GRIN2A: variants seen among roughly 807,000 people sequenced by gnomAD.
GRIN2A encodes glutamate receptor ionotropic, NMDA 2A.
A neutral mutation model predicts 113.4 loss-of-function variants in GRIN2A; 22 were observed. That is an observed-to-expected ratio of 0.19 (90% confidence interval 0.14 to 0.28). The LOEUF is 0.28. GRIN2A is among the 10% of genes least tolerant of loss of function. The pLI is 1.00. For synonymous variants in GRIN2A, 827 were observed against 738.4 expected (o/e 1.12, Z -1.94); for missense variants, 1,502 against 1,887.0 (o/e 0.80, Z 3.78).
chr16:9,862,887 T>A (rs1281717456), intron 4 of GRIN2A, among the ~76,000 whole-genome samples: 1 of 152,194 alleles, frequency 6.6e-6, no homozygotes, highest in African/African-American at 2.4e-5. Flanking sequence ...CCGTCTTCCA[T>A]GGGCTGCAAT....
Position 10,132,681 on chromosome 16 carries a change from C to T in GRIN2A, c.414+47317G>A, listed in dbSNP as rs147401952. 3.9e-3 allele frequency among the ~76,000 whole-genome samples: 592 copies of T among 152,294 alleles called. 2 individuals carry two copies. Among genetic ancestry groups the T allele is most frequent in the Non-Finnish European group, 6.8e-3 (462 of 68,024 alleles). The stretch of plus-strand genomic sequence containing the variant: ...ATCTGAACTTTCATTGCCTCGGTTT[C>T]CACAACCACAAAATGGGAATTTAGT... On this transcript the variant is annotated intron_variant, in intron 2 of 12. Coordinates refer to ENST00000330684, the MANE Select transcript of GRIN2A (RefSeq NM_001134407.3).
chr16:9,897,949 A>G (rs747888013), intron 3 of GRIN2A, among the ~76,000 whole-genome samples: 2 of 150,592 alleles, frequency 1.3e-5, no homozygotes, highest in Admixed American at 6.6e-5. Context: ...TGCTGCTTCT[A>G]TGTTGTTGAG....
In GRIN2A at chr16:9,755,024, T is replaced by C. The variant is rs964000248; in HGVS notation, c.*8125A>G. 3 of 200,316 alleles carry C rather than the reference T, an allele frequency of 1.5e-5. No homozygotes were observed. The highest frequency in any genetic ancestry group is 6.9e-5 in the African/African-American group (3 of 43,478). 12.4% of individuals were successfully genotyped at this position (200,316 alleles called of 1,614,324 possible). On this transcript the variant is annotated 3_prime_UTR_variant, in exon 13 of 13. Transcript: ENST00000330684. ...TATCCTATTGAAGGTTCATCTTAAA[T>C]CTTTCCTAAAGGTGTGAAAGAGAAT...
chr16:9,846,635 G>C, intron 5 of GRIN2A, among the ~76,000 whole-genome samples: 1 of 152,140 alleles, frequency 6.6e-6, no homozygotes, highest in Non-Finnish European at 1.5e-5. Flanking sequence ...CCTATATGTA[G>C]GTGGCTCAGA....
At chr16:10,105,968 G>GTA (rs113378205) in intron 2 of GRIN2A, among the ~76,000 whole-genome samples, 53,843 of 151,616 alleles carry the variant, frequency 0.36, 9,708 homozygotes, top group East Asian at 0.45. Context: ...ATATGCAAAG[G>GTA]TATATGTATA....
chr16:9,777,158 G>A (rs1010606802), intron 11 of GRIN2A, among the ~76,000 whole-genome samples: 4 of 152,120 alleles, frequency 2.6e-5, no homozygotes, highest in Non-Finnish European at 5.9e-5. Context: ...GCAGCAGTGA[G>A]AAACTCATTC....
chr16:10,112,397 T>C, intron 2 of GRIN2A: 1 of 696,832 alleles, frequency 1.4e-6, no homozygotes. Flanking sequence ...TGGCCTGCGG[T>C]CAGCCCCAGG....
intron 10 of GRIN2A, among the ~76,000 whole-genome samples, chr16:9,809,955 C>T (rs1212508590): frequency 2.0e-5 from 3 of 152,164 alleles, no homozygotes; most frequent in Non-Finnish European, 4.4e-5. Flanking sequence ...GTAATCCCAG[C>T]TACTCTGGAG....
At chr16:9,947,017 C>G (rs2045035804) in intron 2 of GRIN2A, among the ~76,000 whole-genome samples, 1 of 152,306 alleles carries the variant, frequency 6.6e-6, no homozygotes, top group African/African-American at 2.4e-5. Context: ...TCAAAGATTA[C>G]TGATGCCACT....
At position 9,824,798 on chromosome 16, in the gene GRIN2A, A is replaced by T. The variant is rs189230208; in HGVS notation, c.2008-2374T>A. Among the ~76,000 whole-genome samples the T allele has an allele frequency of 5.7e-4, 87 of 152,144 alleles. 1 individual carries two copies. The highest frequency in any genetic ancestry group is 3.4e-3 in the Middle Eastern group (1 of 292). ...GTTATCCATTATGTTCTATTTTTTT[A>T]AAAAAATGTCTGCAATCCTTAGATT... On this transcript the variant is annotated intron_variant, in intron 9 of 12. Coordinates refer to ENST00000330684, the MANE Select transcript of GRIN2A (RefSeq NM_001134407.3).
chr16:9,790,031 TAAAC>T (rs1189237235), intron 11 of GRIN2A, among the ~76,000 whole-genome samples: 1 of 152,210 alleles, frequency 6.6e-6, no homozygotes, highest in Non-Finnish European at 1.5e-5. Flanking sequence ...TTGCCTGAAA[TAAAC>T]AAAGCACATG....
intron 2 of GRIN2A, among the ~76,000 whole-genome samples, chr16:10,045,981 C>G (rs1290149344): frequency 6.6e-6 from 1 of 152,194 alleles, no homozygotes; most frequent in Non-Finnish European, 1.5e-5. Context: ...ATATTAGTAG[C>G]ATCTCCCGAC....
intron 2 of GRIN2A, among the ~76,000 whole-genome samples, chr16:9,957,756 G>T (rs559144926): frequency 1.3e-5 from 2 of 152,090 alleles, no homozygotes; most frequent in East Asian, 3.9e-4. Flanking sequence ...GATGCCCCTC[G>T]ATGACTCTGA....
chr16:9,965,475 G>A (rs970557833), intron 2 of GRIN2A, among the ~76,000 whole-genome samples: 1 of 152,182 alleles, frequency 6.6e-6, no homozygotes, highest in Admixed American at 6.5e-5. Context: ...TATAGAATAA[G>A]AGACTTTTGG....
rs77826932 is a variant in GRIN2A at position 10,037,905 on chromosome 16, C to T, written c.415-99354G>A. Among the ~76,000 whole-genome samples the T allele has an allele frequency of 7.4e-3, 1,127 of 152,244 alleles. 7 individuals carry two copies. The highest frequency in any genetic ancestry group is 0.013 in the Non-Finnish European group (917 of 68,022). ...AATTGTTGAGATTACAGGCATGAAT[C>T]ATTGTGCCTGGCTCTACTCCCATTT... On this transcript the variant is annotated intron_variant, in intron 2 of 12. Coordinates refer to ENST00000330684, the MANE Select transcript of GRIN2A (RefSeq NM_001134407.3).
At chr16:9,788,836 G>T (rs1902413089) in intron 11 of GRIN2A, among the ~76,000 whole-genome samples, 1 of 150,202 alleles carries the variant, frequency 6.7e-6, no homozygotes, top group Non-Finnish European at 1.5e-5. Context: ...TCCGCCTCCT[G>T]GGTTCAAGTA....
At chr16:9,935,709 T>A (rs893467486) in intron 3 of GRIN2A, among the ~76,000 whole-genome samples, 1 of 152,050 alleles carries the variant, frequency 6.6e-6, no homozygotes, top group Non-Finnish European at 1.5e-5. Context: ...TATTATTATT[T>A]TTTTGAGATG....
intron 3 of GRIN2A, among the ~76,000 whole-genome samples, chr16:9,921,570 T>C (rs994422871): frequency 2.0e-5 from 3 of 152,242 alleles, no homozygotes; most frequent in African/African-American, 7.2e-5. Flanking sequence ...GTGACAATAA[T>C]ATAAGATGGT....
At chr16:9,885,497 C>T (rs942282759) in intron 4 of GRIN2A, among the ~76,000 whole-genome samples, 5 of 152,152 alleles carry the variant, frequency 3.3e-5, no homozygotes, top group Admixed American at 2.6e-4. Flanking sequence ...TGGTGTTTGG[C>T]GTCTGTATAA....
Sources: gnomAD v4.1 joint callset for allele counts (sites outside exome capture counted in the v4.1 genomes callset) on GRCh38, gnomAD v4.1.1 for gene constraint, MANE v1.5 for transcripts, NCBI Gene and HGNC (gene_info 2026-07-23, HGNC 2026-07-21) for gene names.